DYRK1A: variants seen among roughly 807,000 people sequenced by gnomAD.
DYRK1A encodes dual specificity tyrosine phosphorylation regulated kinase 1A.
Under a neutral mutation model 79.7 loss-of-function variants are expected in DYRK1A, and 9 were observed. The ratio of observed to expected loss-of-function variants is 0.11; its 90% CI spans 0.07 to 0.20. The LOEUF (loss-of-function observed/expected upper bound fraction) is 0.20, where lower values mean the gene tolerates loss of function less well. Among genes scored for constraint, DYRK1A ranks in the 10% least tolerant of loss-of-function variants. The pLI is 1.00. For missense variants in DYRK1A, 622 were observed against 956.0 expected, an observed-to-expected ratio of 0.65 and a Z score of 4.61; for synonymous variants, 349 against 329.7, an observed-to-expected ratio of 1.06 and a Z score of -0.63.
chr21:37,517,898 C>T lies in DYRK1A; in HGVS notation c.*5367C>T, dbSNP rs1048657629. On this transcript the variant is annotated 3_prime_UTR_variant, in exon 12 of 12. Coordinates refer to ENST00000647188, the MANE Select transcript of DYRK1A (RefSeq NM_001347721.2). ...AACGGCTAAGTTTTTTTTAATGTTACTTCTTTAATTTTAGAGACGGTGTCT... is the reference window on the plus strand; with the variant it reads ...AACGGCTAAGTTTTTTTTAATGTTATTTCTTTAATTTTAGAGACGGTGTCT... The T allele has an allele frequency of 6.6e-5, 10 of 152,116 alleles. No homozygotes were observed. Among genetic ancestry groups the T allele is most frequent in the Admixed American group, 4.6e-4 (7 of 15,270 alleles). The allele number at this position is 152,116 out of a possible 1,614,324, so 9.4% of individuals were successfully genotyped here. A position where few individuals can be genotyped will look rare whatever the true frequency, so the allele number is the denominator to read the frequency against.
In DYRK1A at chr21:37,414,773, A is replaced by G. The variant is rs147742761; in HGVS notation, c.-76-5526A>G. Among the ~76,000 whole-genome samples, 18 of 152,292 alleles carry G rather than the reference A, an allele frequency of 1.2e-4. No homozygotes were observed. The East Asian group carries it at 3.5e-3, about 29-fold the overall frequency. On this transcript the variant is annotated intron_variant, in intron 1 of 11. Transcript: ENST00000647188. Reference sequence around the variant, plus strand: ...TCCCGAAAAGCTCTGTGGTTTGAGAATTCATTTTTGAGAATATCTATTCAC... The same window carrying G: ...TCCCGAAAAGCTCTGTGGTTTGAGAGTTCATTTTTGAGAATATCTATTCAC...
intron 2 of DYRK1A, among the ~76,000 whole-genome samples, chr21:37,472,375 T>C (rs1415272169): frequency 6.6e-6 from 1 of 152,252 alleles, no homozygotes; most frequent in Non-Finnish European, 1.5e-5. Flanking sequence ...ATTTAACTTG[T>C]ATTATGGTTC....
intron 11 of DYRK1A, 42 bp downstream of exon 11, chr21:37,506,265 T>C (rs749168195): frequency 1.2e-6 from 2 of 1,613,858 alleles, no homozygotes; most frequent in East Asian, 4.5e-5. Context: ...CACCTGCCAT[T>C]CTCAGGTGGA....
chr21:37,417,542 T>TTTCTTTTTCTTTTTCTTTTTC, intron 1 of DYRK1A, among the ~76,000 whole-genome samples: 1 of 135,812 alleles, frequency 7.4e-6, no homozygotes, highest in Non-Finnish European at 1.6e-5. Flanking sequence ...TTTTTTTTTT[T>TTTCTTTTTCTTTTTCTTTTTC]TTTTTTTTTT....
chr21:37,444,686 G>A (rs1034905022), intron 2 of DYRK1A, among the ~76,000 whole-genome samples: 4 of 152,142 alleles, frequency 2.6e-5, no homozygotes, highest in Non-Finnish European at 5.9e-5. Context: ...AGAGAGGACC[G>A]TTAGTAGAAA....
intron 1 of DYRK1A, among the ~76,000 whole-genome samples, chr21:37,372,410 C>CT (rs2148355032): frequency 6.6e-6 from 1 of 150,862 alleles, no homozygotes; most frequent in Non-Finnish European, 1.5e-5. Flanking sequence ...GATTGTGTCA[C>CT]TGCACTCCAG....
At chr21:37,448,829 T>C (rs2051353743) in intron 2 of DYRK1A, among the ~76,000 whole-genome samples, 1 of 152,150 alleles carries the variant, frequency 6.6e-6, no homozygotes, top group Non-Finnish European at 1.5e-5. Flanking sequence ...CCTAAGTAGC[T>C]GGGACTATAG....
intron 1 of DYRK1A, 48 bp downstream of exon 1, chr21:37,367,676 C>T (rs2049337357): frequency 6.8e-6 from 1 of 146,000 alleles, no homozygotes; most frequent in East Asian, 2.0e-4. Context: ...GCGCTCGGCT[C>T]CCCCGGCGGC....
At position 37,503,296 on chromosome 21, in the gene DYRK1A, T is replaced by G. The variant is rs146344718; in HGVS notation, c.1213-1987T>G. 365 of 152,366 alleles carry G rather than the reference T, an allele frequency of 2.4e-3. 2 individuals are homozygous for G. Among genetic ancestry groups the G allele is most frequent in the African/African-American group, 8.4e-3 (350 of 41,584 alleles). The allele number at this position is 152,366 out of a possible 1,614,324, so 9.4% of individuals were successfully genotyped here. ...TCCCAGAGGTCTCTGTCTGGTTTAT[T>G]CATTCTGTTTTCTGTTTGTGTTTTT... On this transcript the variant is annotated intron_variant, in intron 9 of 11. Transcript: ENST00000647188.
At chr21:37,489,667 C>G (rs1297055119) in intron 6 of DYRK1A, among the ~76,000 whole-genome samples, 1 of 150,640 alleles carries the variant, frequency 6.6e-6, no homozygotes, top group East Asian at 1.9e-4. Context: ...AAAATTGTGA[C>G]AGAAAATTAC....
intron 5 of DYRK1A, among the ~76,000 whole-genome samples, chr21:37,485,283 A>G (rs1266335769): frequency 1.3e-5 from 2 of 152,186 alleles, no homozygotes; most frequent in African/African-American, 2.4e-5. Context: ...TGCAACTCTT[A>G]GTGCAGTCAG....
chr21:37,378,313 A>G (rs1171908973), intron 1 of DYRK1A, among the ~76,000 whole-genome samples: 2 of 152,316 alleles, frequency 1.3e-5, no homozygotes, highest in East Asian at 1.9e-4. Flanking sequence ...TGGGCTGATC[A>G]CCTGAGGTTG....
intron 9 of DYRK1A, 41 bp from the exon 10 acceptor site, chr21:37,505,242 C>T (rs2053559064): frequency 6.7e-7 from 1 of 1,500,224 alleles, no homozygotes; most frequent in Non-Finnish European, 9.1e-7. Flanking sequence ...TTTACGTATT[C>T]CACCAAATTT....
rs2053950504 is a variant in DYRK1A at position 37,523,745 on chromosome 21, CAT to C, written c.*11216_*11217del. ...AAAAACATCAAATGATATTTCAGGACATAGGGAAATTATATGACATTTGAATT... is the reference window on the plus strand; with the variant it reads ...AAAAACATCAAATGATATTTCAGGACAGGGAAATTATATGACATTTGAATT... On this transcript the variant is annotated 3_prime_UTR_variant, in exon 12 of 12. Coordinates refer to ENST00000647188, the MANE Select transcript of DYRK1A (RefSeq NM_001347721.2). 6.6e-6 allele frequency: 1 copy of C among 152,116 alleles called. No individual in the cohort carries two copies. The highest frequency in any genetic ancestry group is 6.5e-5 in the Admixed American group (1 of 15,280). 9.4% of individuals were successfully genotyped at this position (152,116 alleles called of 1,614,324 possible). A position where few individuals can be genotyped will look rare whatever the true frequency, so the allele number is the denominator to read the frequency against.
chr21:37,422,496 A>T (rs1188310613), intron 2 of DYRK1A, among the ~76,000 whole-genome samples: 6 of 152,154 alleles, frequency 3.9e-5, no homozygotes. Context: ...CCTTGTTTTT[A>T]CCCTCTGGCA....
At chr21:37,440,130 C>CTTGTTTTTTTTTTTTTTT in intron 2 of DYRK1A, among the ~76,000 whole-genome samples, 1 of 37,744 alleles carries the variant, frequency 2.6e-5, no homozygotes, top group Non-Finnish European at 5.2e-5. Context: ...TTGTTTGCTC[C>CTTGTTTTTTTTTTTTTTT]TTTTTTTTTT....
At chr21:37,454,860 G>A (rs1375623350) in intron 2 of DYRK1A, among the ~76,000 whole-genome samples, 2 of 152,122 alleles carry the variant, frequency 1.3e-5, no homozygotes, top group Non-Finnish European at 2.9e-5. Context: ...CCACTATATT[G>A]AGAAGGGCAC....
chr21:37,451,789 A>G (rs1167958946), intron 2 of DYRK1A, among the ~76,000 whole-genome samples: 1 of 152,200 alleles, frequency 6.6e-6, no homozygotes, highest in East Asian at 1.9e-4. Context: ...GGTGACAGGT[A>G]AGTGTTCTGA....
At chr21:37,405,884 A>C (rs1414851564) in intron 1 of DYRK1A, among the ~76,000 whole-genome samples, 9 of 152,136 alleles carry the variant, frequency 5.9e-5, no homozygotes, top group Admixed American at 5.9e-4. Flanking sequence ...TCATGGCATC[A>C]TGTGATTTTT....
Sources: allele counts gnomAD v4.1 joint callset (sites outside exome capture counted in the v4.1 genomes callset), GRCh38; gene constraint gnomAD v4.1.1; transcripts MANE v1.5; gene names NCBI Gene and HGNC (gene_info 2026-07-23, HGNC 2026-07-21).